The following SMYD1 variants were observed in gnomAD, a reference collection of about 807,000 sequenced individuals.
SMYD1 encodes the protein SET and MYND domain containing 1, also known as histone-lysine N-methyltransferase SMYD1.
SMYD1 carries 49 observed loss-of-function variants against 54.0 expected under a neutral mutation model. The ratio of observed to expected loss-of-function variants is 0.91; its 90% CI spans 0.72 to 1.15. The LOEUF (loss-of-function observed/expected upper bound fraction) is 1.15, where lower values mean the gene tolerates loss of function less well. SMYD1 is among the 50% of genes most tolerant of loss of function. The probability of loss-of-function intolerance (pLI) is 0.00; values close to 1 mark genes in which losing one functional copy is unlikely to be tolerated. For missense variants in SMYD1, 653 were observed against 639.6 expected, an observed-to-expected ratio of 1.02 and a Z score of -0.23; for synonymous variants, 269 against 234.2, an observed-to-expected ratio of 1.15 and a Z score of -1.36.
chr2:88,086,844 T>TA (rs1274380871), intron 2 of SMYD1, among the ~76,000 whole-genome samples: 7 of 151,802 alleles, frequency 4.6e-5, no homozygotes, highest in African/African-American at 1.7e-4. Context: ...TTTTTTTTTT[T>TA]TTATTATACT....
intron 2 of SMYD1, 91 bp downstream of exon 2, chr2:88,084,583 A>T: frequency 1.3e-5 from 16 of 1,276,954 alleles, no homozygotes; most frequent in Non-Finnish European, 1.7e-5. Flanking sequence ...TAAGGAAGCC[A>T]AGCTGAGTGC....
In SMYD1 at chr2:88,110,269, G is replaced by T. The variant is rs568956344; in HGVS notation, c.1315-85G>T. ...GGGTAGAGTTGAATCTCCGTGGCTGGAAATAATTTACCCCAAGGTATATCA... is the reference window on the plus strand; with the variant it reads ...GGGTAGAGTTGAATCTCCGTGGCTGTAAATAATTTACCCCAAGGTATATCA... On this transcript the variant is annotated intron_variant, in intron 9 of 9. Transcript: ENST00000419482. 3.6e-5 allele frequency: 51 copies of T among 1,417,612 alleles called. No individual in the cohort carries two copies. The Admixed American group carries it at 9.0e-4, about 25-fold the overall frequency. 87.8% of individuals were successfully genotyped at this position (1,417,612 alleles called of 1,614,324 possible). A position where few individuals can be genotyped will look rare whatever the true frequency, so the allele number is the denominator to read the frequency against.
At chr2:88,074,293 A>T (rs903828990) in intron 1 of SMYD1, among the ~76,000 whole-genome samples, 1 of 152,202 alleles carries the variant, frequency 6.6e-6, no homozygotes, top group South Asian at 2.1e-4. Context: ...TTTCTTTGCT[A>T]TCTCCATCTA....
intron 1 of SMYD1, among the ~76,000 whole-genome samples, chr2:88,082,253 G>A (rs72845101): frequency 5.2e-4 from 79 of 152,306 alleles, no homozygotes; most frequent in Non-Finnish European, 9.6e-4. Context: ...GCAAGAGTAA[G>A]GAAGCTGTTA....
chr2:88,078,075 C>T (rs953287639), intron 1 of SMYD1, among the ~76,000 whole-genome samples: 1 of 152,158 alleles, frequency 6.6e-6, no homozygotes, highest in African/African-American at 2.4e-5. Context: ...ACGATGTTCT[C>T]CTGTAGCTGG....
intron 9 of SMYD1, among the ~76,000 whole-genome samples, chr2:88,109,945 C>A (rs1674970716): frequency 6.6e-6 from 1 of 152,154 alleles, no homozygotes; most frequent in Non-Finnish European, 1.5e-5. Context: ...ACACTGTCAT[C>A]TTCCCAACCC....
chr2:88,102,663 A>T (rs1674745885), intron 6 of SMYD1, among the ~76,000 whole-genome samples: 1 of 152,224 alleles, frequency 6.6e-6, no homozygotes, highest in Non-Finnish European at 1.5e-5. Context: ...ACAAAAATGT[A>T]AGGATGTACC....
In SMYD1 at chr2:88,110,452, G is replaced by T; in HGVS notation, c.1413G>T (p.Met471Ile). Residue 471 changes from methionine (M) to isoleucine (I), a missense_variant, in exon 10 of 10, where the codon ATG becomes ATT. Met to Ile is a conservative substitution (Grantham distance 10). Coordinates refer to ENST00000419482, the MANE Select transcript of SMYD1 (RefSeq NM_198274.4). ...AGGCTGCCCTGAACAACCAGCCCAT[G>T]CAGGTCATGGCCGAGCCCAGCAATG... Reference protein sequence around the residue: ...MREAALNNQPMQVMAEPSNEP... With the variant: ...MREAALNNQPIQVMAEPSNEP... 6.2e-7 allele frequency: 1 copy of T among 1,606,144 alleles called. No homozygotes were observed. Among genetic ancestry groups the T allele is most frequent in the Non-Finnish European group, 8.5e-7 (1 of 1,176,146 alleles).
chr2:88,080,493 T>C (rs1409076582), intron 1 of SMYD1, among the ~76,000 whole-genome samples: 1 of 152,176 alleles, frequency 6.6e-6, no homozygotes, highest in Non-Finnish European at 1.5e-5. Context: ...GTGGGGTTGC[T>C]CTCTGATGGG....
At chr2:88,100,828 C>T (rs1304877359) in intron 6 of SMYD1, among the ~76,000 whole-genome samples, 1 of 152,144 alleles carries the variant, frequency 6.6e-6, no homozygotes, top group Non-Finnish European at 1.5e-5. Context: ...AGGAGTGAGA[C>T]CTGCAAGTAG....
Position 88,106,498 on chromosome 2 carries a change from G to A in SMYD1, c.1145+10G>A, listed in dbSNP as rs758089577. On this transcript the variant is annotated intron_variant, in intron 8 of 9. Coordinates refer to ENST00000419482, the MANE Select transcript of SMYD1 (RefSeq NM_198274.4). ...TGGTGGACGGCTATATGTAGGTGAC[G>A]ATTCTAGGTCTCAGATAGTCTCCTG... The A allele has an allele frequency of 5.6e-6, 9 of 1,610,320 alleles. 1 individual carries two copies. The highest frequency in any genetic ancestry group is 1.1e-5 in the South Asian group (1 of 90,954).
intron 1 of SMYD1, among the ~76,000 whole-genome samples, chr2:88,070,471 ATATAT>A (rs964994308): frequency 1.3e-5 from 2 of 151,900 alleles, no homozygotes; most frequent in African/African-American, 2.4e-5. Flanking sequence ...ATTCTAACAT[ATATAT>A]TATATGTTAT....
chr2:88,103,072 G>A lies in SMYD1; in HGVS notation c.903G>A (p.Val301=), dbSNP rs878989574. 1.2e-6 allele frequency: 2 copies of A among 1,613,902 alleles called. No individual in the cohort carries two copies. The highest frequency in any genetic ancestry group is 2.7e-5 in the African/African-American group (2 of 74,924). The change falls in exon 7 of 10, where the codon GTG becomes GTA. Residue 301 remains valine, a synonymous_variant. Coordinates refer to ENST00000419482, the MANE Select transcript of SMYD1 (RefSeq NM_198274.4). ...CTCTTTCCCAGCCCTCTCAGGAAGTGGTGAAGGAGATGATACAATTCTCCA... is the reference window on the plus strand; with the variant it reads ...CTCTTTCCCAGCCCTCTCAGGAAGTAGTGAAGGAGATGATACAATTCTCCA... ...VKDNPKPSQE[V]VKEMIQFSKD... is the part of the protein sequence containing the mutation.
At chr2:88,085,463 G>C (rs114346380) in intron 2 of SMYD1, among the ~76,000 whole-genome samples, 1,581 of 152,280 alleles carry the variant, frequency 0.01, 31 homozygotes, top group African/African-American at 0.036. Flanking sequence ...TGGTGACTGG[G>C]AGCATTTTCA....
rs1457291219 is a variant in SMYD1 at position 88,110,734 on chromosome 2, ATAT to A, written c.*227_*229del. ...CAGCCCAGATCAACTCCTCCTACAAATATTATTGGATGATAGGCCCTAGAACCC... is the reference window on the plus strand; with the variant it reads ...CAGCCCAGATCAACTCCTCCTACAAATATTGGATGATAGGCCCTAGAACCC... On this transcript the variant is annotated 3_prime_UTR_variant, in exon 10 of 10. Coordinates refer to ENST00000419482, the MANE Select transcript of SMYD1 (RefSeq NM_198274.4). 2.0e-5 allele frequency: 10 copies of A among 496,322 alleles called. No individual in the cohort carries two copies. Among genetic ancestry groups the A allele is most frequent in the African/African-American group, 2.0e-4 (10 of 50,970 alleles). 30.7% of individuals were successfully genotyped at this position (496,322 alleles called of 1,614,324 possible). A position where few individuals can be genotyped will look rare whatever the true frequency, so the allele number is the denominator to read the frequency against.
chr2:88,090,444 C>A lies in SMYD1; in HGVS notation c.529-568C>A, dbSNP rs77693919. On this transcript the variant is annotated intron_variant, in intron 3 of 9. Transcript: ENST00000419482. ...CACTTGGATGCCACATCAGTAGTAA[C>A]CAACTTGATTTGCCTTGAATCTCAG... is the stretch of plus-strand genomic sequence containing the variant. 5.9e-5 allele frequency among the ~76,000 whole-genome samples: 9 copies of A among 152,290 alleles called. No homozygotes were observed. The East Asian group carries it at 1.7e-3, about 29-fold the overall frequency.
rs556687504 is a variant in SMYD1 at position 88,096,528 on chromosome 2, T to A, written c.699-67T>A. ...TTTGAGACCCAACTCCATGAAGCCT[T>A]GGAGAGCACGGATCCCATTCCAGTA... is the stretch of plus-strand genomic sequence containing the variant. On this transcript the variant is annotated intron_variant, in intron 5 of 9. Transcript: ENST00000419482. 3.5e-6 allele frequency: 5 copies of A among 1,410,482 alleles called. No homozygotes were observed. The South Asian group carries it at 6.7e-5, about 19-fold the overall frequency. 87.4% of individuals were successfully genotyped at this position (1,410,482 alleles called of 1,614,324 possible).
chr2:88,082,286 GC>G (rs1163874808), intron 1 of SMYD1, among the ~76,000 whole-genome samples: 1 of 152,188 alleles, frequency 6.6e-6, no homozygotes, highest in African/African-American at 2.4e-5. Flanking sequence ...CCTTGAATCT[GC>G]TTATTAGAAA....
At chr2:88,071,132 T>C (rs2103974474) in intron 1 of SMYD1, among the ~76,000 whole-genome samples, 1 of 152,328 alleles carries the variant, frequency 6.6e-6, no homozygotes, top group Admixed American at 6.5e-5. Context: ...GTGAAACTAA[T>C]AAAATGAATA....
Sources: gnomAD v4.1 joint callset for allele counts (sites outside exome capture counted in the v4.1 genomes callset) on GRCh38, gnomAD v4.1.1 for gene constraint, MANE v1.5 for transcripts, NCBI Gene and HGNC (gene_info 2026-07-23, HGNC 2026-07-21) for gene names.